The following SLC5A4 variants were observed in gnomAD, a reference collection of about 807,000 sequenced individuals.
The protein encoded by SLC5A4 is solute carrier family 5 member 4.
In SLC5A4, 55 loss-of-function variants were observed where a neutral mutation model predicts 70.3. That is an observed-to-expected ratio of 0.78 (90% CI 0.63 to 0.98). The LOEUF (loss-of-function observed/expected upper bound fraction) is 0.98. SLC5A4 is among the 50% of genes least tolerant of loss of function. The pLI is 0.00. For missense variants in SLC5A4, 735 were observed against 839.2 expected (o/e 0.88, Z 1.53); for synonymous variants, 268 against 305.7 (o/e 0.88, Z 1.29).
rs1411146110 is a variant in SLC5A4, at chr22:32,225,709, A to T, written c.1395T>A (p.Pro465=). 2 of 1,613,120 alleles carry T rather than the reference A, an allele frequency of 1.2e-6. No homozygotes were observed. Among genetic ancestry groups the T allele is most frequent in the South Asian group, 1.1e-5 (1 of 90,940 alleles). Residue 465 remains proline, a synonymous_variant, in exon 12 of 15, where the codon CCT becomes CCA. Coordinates refer to ENST00000266086, the MANE Select transcript of SLC5A4 (RefSeq NM_014227.3). The part of the protein sequence containing the change: ...YTESISSYLG[P]PIAAVFVLAI... ...CAAGCACAAAGACAGCTGCAATTGG[A>T]GGCCCAAGGTAGCTAGAAATTGATT...
At chr22:32,289,385 A>T in the SLC5A4 span, among the ~76,000 whole-genome samples, 1 of 152,284 alleles carries the variant, frequency 6.6e-6, no homozygotes, top group Non-Finnish European at 1.5e-5. Flanking sequence ...GGTGGAGATA[A>T]TTGAATCATG....
the SLC5A4 span, among the ~76,000 whole-genome samples, chr22:32,338,749 C>T: frequency 6.6e-6 from 1 of 152,194 alleles, no homozygotes; most frequent in African/African-American, 2.4e-5. Context: ...AAAGCTGCCT[C>T]ACTCCACCAG....
chr22:32,297,726 GTTCTT>G, the SLC5A4 span, among the ~76,000 whole-genome samples: 13 of 121,148 alleles, frequency 1.1e-4, no homozygotes, highest in African/African-American at 4.0e-4. Context: ...TGCTTTTCTA[GTTCTT>G]TTAATTGTGA....
At chr22:32,342,480 GATAA>G in the SLC5A4 span, among the ~76,000 whole-genome samples, 313 of 152,040 alleles carry the variant, frequency 2.1e-3, no homozygotes, top group South Asian at 2.5e-3. Flanking sequence ...CAGACTTTAA[GATAA>G]ACAAAAACAA....
chr22:32,353,530 G>A, the SLC5A4 span, among the ~76,000 whole-genome samples: 37 of 148,244 alleles, frequency 2.5e-4, 1 homozygote, highest in African/African-American at 8.9e-4. Flanking sequence ...CCGGGGAGAC[G>A]AGGACCGCTC....
At chr22:32,334,558 G>A in the SLC5A4 span, among the ~76,000 whole-genome samples, 1 of 152,164 alleles carries the variant, frequency 6.6e-6, no homozygotes, top group African/African-American at 2.4e-5. Flanking sequence ...TGTGGTAGTG[G>A]CCTCTCACCA....
the SLC5A4 span, among the ~76,000 whole-genome samples, chr22:32,289,280 T>G: frequency 2.0e-5 from 3 of 152,182 alleles, no homozygotes; most frequent in Non-Finnish European, 4.4e-5. Flanking sequence ...TGTTTTCTGA[T>G]GTCAAAGCAA....
chr22:32,239,576 A>T (rs1163677589), intron 5 of SLC5A4, among the ~76,000 whole-genome samples: 1 of 26,464 alleles, frequency 3.8e-5, no homozygotes, highest in Non-Finnish European at 6.8e-5. Context: ...ATATTTATAT[A>T]TATATTTATA....
chr22:32,318,886 T>A, the SLC5A4 span, among the ~76,000 whole-genome samples: 9 of 152,234 alleles, frequency 5.9e-5, no homozygotes, highest in Non-Finnish European at 1.2e-4. Context: ...TTGTTTAGTG[T>A]CAATTTGACT....
chr22:32,305,516 T>G, the SLC5A4 span, among the ~76,000 whole-genome samples: 1 of 148,898 alleles, frequency 6.7e-6, no homozygotes, highest in Non-Finnish European at 1.5e-5. Flanking sequence ...GCCAGCAGTC[T>G]GGTATCCCCA....
chr22:32,233,040 G>C lies in SLC5A4; in HGVS notation c.886-6C>G. 1 of 1,610,934 alleles carries C rather than the reference G, an allele frequency of 6.2e-7. No homozygotes were observed. The highest frequency in any genetic ancestry group is 8.5e-7 in the Non-Finnish European group (1 of 1,178,486). On this transcript the variant is annotated splice_polypyrimidine_tract_variant and splice_region_variant and intron_variant, in intron 8 of 14. Coordinates refer to ENST00000266086, the MANE Select transcript of SLC5A4 (RefSeq NM_014227.3). Reference sequence around the variant, plus strand: ...AGGCAGCGCTGCACAATGACCTGCCGGGAGAACGTGACACACTCATGAAAC... The same window carrying C: ...AGGCAGCGCTGCACAATGACCTGCCCGGAGAACGTGACACACTCATGAAAC...
chr22:32,335,315 G>T, the SLC5A4 span, among the ~76,000 whole-genome samples: 1 of 151,366 alleles, frequency 6.6e-6, no homozygotes, highest in Non-Finnish European at 1.5e-5. Context: ...AACCAGGCTG[G>T]CAACAGAACC....
At chr22:32,262,107 A>G in the SLC5A4 span, among the ~76,000 whole-genome samples, 1 of 152,214 alleles carries the variant, frequency 6.6e-6, no homozygotes, top group African/African-American at 2.4e-5. Context: ...CATCTTGGCT[A>G]TTGTGACTAG....
At chr22:32,292,269 C>T in the SLC5A4 span, among the ~76,000 whole-genome samples, 8 of 114,358 alleles carry the variant, frequency 7.0e-5, no homozygotes, top group East Asian at 1.8e-3. Context: ...ATATATAATA[C>T]ATACTAGATA....
chr22:32,237,185 A>G, intron 7 of SLC5A4, 59 bp downstream of exon 7: 1 of 1,224,296 alleles, frequency 8.2e-7, no homozygotes, highest in South Asian at 1.3e-5. Flanking sequence ...GACAGACCGA[A>G]CAGAAACAAG....
the SLC5A4 span, among the ~76,000 whole-genome samples, chr22:32,311,933 C>G: frequency 6.6e-6 from 1 of 152,136 alleles, no homozygotes; most frequent in Non-Finnish European, 1.5e-5. Flanking sequence ...CCCCTGAGGT[C>G]AAACGAGGGG....
chr22:32,330,955 TG>T, the SLC5A4 span, among the ~76,000 whole-genome samples: 28 of 7,306 alleles, frequency 3.8e-3, no homozygotes, highest in East Asian at 7.5e-3. Flanking sequence ...GGCTCTGGTG[TG>T]TGTGTGTTGG....
the SLC5A4 span, among the ~76,000 whole-genome samples, chr22:32,313,625 G>A: frequency 2.6e-5 from 4 of 152,164 alleles, no homozygotes; most frequent in African/African-American, 4.8e-5. Context: ...TTGCAAACAA[G>A]ACAATGAGGA....
At chr22:32,269,378 A>G in the SLC5A4 span, 1 of 430,758 alleles carries the variant, frequency 2.3e-6, no homozygotes, top group Non-Finnish European at 4.4e-6. The surrounding 1 kb of genome is among the most constrained non-coding windows in gnomAD (Gnocchi z 4.1). Context: ...CCTGTCCTGT[A>G]GAAGCTACCT....
Sources: allele counts gnomAD v4.1 joint callset (sites outside exome capture counted in the v4.1 genomes callset), GRCh38; gene constraint gnomAD v4.1.1; non-coding constraint Gnocchi (gnomAD v3.1); transcripts MANE v1.5; gene names NCBI Gene and HGNC (gene_info 2026-07-23, HGNC 2026-07-21).